The following TMEM132C variants were observed in gnomAD, a reference collection of about 807,000 sequenced individuals.
The protein encoded by TMEM132C is protein phosphatase 1, regulatory subunit 152.
TMEM132C carries 29 observed loss-of-function variants against 61.4 expected under a neutral mutation model. The observed-to-expected ratio is 0.47, with a 90% CI of 0.35 to 0.64. The LOEUF (loss-of-function observed/expected upper bound fraction) is 0.64. Ranked by LOEUF, TMEM132C falls within the 30% of genes least tolerant of loss-of-function variation. The pLI, the probability that TMEM132C is intolerant of heterozygous loss-of-function variation, is 0.00. For missense variants in TMEM132C, 1,408 were observed against 1,476.9 expected (o/e 0.95, Z 0.76); for synonymous variants, 656 against 633.1 (o/e 1.04, Z -0.54).
At position 128,460,538 on chromosome 12, in the gene TMEM132C, C is replaced by A. The variant is rs11059700; in HGVS notation, c.974+44918C>A. On this transcript the variant is annotated intron_variant, in intron 2 of 8. Coordinates refer to ENST00000435159, the MANE Select transcript of TMEM132C (RefSeq NM_001136103.3). ...AGTATCGTTCTCACCCCGAGAGCTA[C>A]AGTATGGGTCAGTCCCAGTGCCCCA... 1.2e-3 allele frequency among the ~76,000 whole-genome samples: 176 copies of A among 152,274 alleles called. 2 individuals carry two copies. The highest frequency in any genetic ancestry group is 4.1e-3 in the African/African-American group (171 of 41,554).
chr12:128,701,459 G>A (rs144185716), intron 8 of TMEM132C, among the ~76,000 whole-genome samples: 44 of 152,322 alleles, frequency 2.9e-4, no homozygotes, highest in African/African-American at 1.1e-3. Flanking sequence ...ATCAGTTCAT[G>A]TCCAAGCATT....
chr12:128,321,297 A>G (rs1872326147), intron 1 of TMEM132C, among the ~76,000 whole-genome samples: 1 of 152,116 alleles, frequency 6.6e-6, no homozygotes, highest in African/African-American at 2.4e-5. Context: ...CCACTTAGCA[A>G]TTAAAAGGAG....
chr12:128,640,911 T>C (rs115482716), intron 4 of TMEM132C, among the ~76,000 whole-genome samples: 111 of 152,086 alleles, frequency 7.3e-4, no homozygotes, highest in African/African-American at 2.2e-3. Context: ...ACACACACAG[T>C]GAGTGGATTG....
intron 3 of TMEM132C, among the ~76,000 whole-genome samples, chr12:128,582,324 A>T (rs775367817): frequency 1.3e-5 from 2 of 152,220 alleles, no homozygotes; most frequent in Non-Finnish European, 2.9e-5. Flanking sequence ...TGTCAATTCA[A>T]GCATTTCATA....
At chr12:128,576,587 A>G (rs1875105093) in intron 3 of TMEM132C, among the ~76,000 whole-genome samples, 1 of 152,220 alleles carries the variant, frequency 6.6e-6, no homozygotes, top group Non-Finnish European at 1.5e-5. Flanking sequence ...ATGCTTGTAC[A>G]CTTTCTATTT....
At chr12:128,528,110 A>G (rs554406273) in intron 2 of TMEM132C, among the ~76,000 whole-genome samples, 235 of 152,340 alleles carry the variant, frequency 1.5e-3, no homozygotes, top group African/African-American at 5.3e-3. Context: ...TCACAAACAT[A>G]GCAGAGCGCT....
chr12:128,304,571 T>C (rs374393444), intron 1 of TMEM132C, among the ~76,000 whole-genome samples: 29 of 151,572 alleles, frequency 1.9e-4, no homozygotes, highest in African/African-American at 6.8e-4. Context: ...ATTGCACCAC[T>C]GCACTCCAGC....
chr12:128,598,252 A>G (rs375420459), intron 3 of TMEM132C, among the ~76,000 whole-genome samples: 6 of 152,164 alleles, frequency 3.9e-5, no homozygotes, highest in South Asian at 4.1e-4. Flanking sequence ...CCCCAACTCT[A>G]CTAAAAAATA....
chr12:128,283,241 T>C (rs117085737), intron 1 of TMEM132C, among the ~76,000 whole-genome samples: 59 of 152,346 alleles, frequency 3.9e-4, no homozygotes, highest in South Asian at 1.4e-3. Context: ...AACTTCTGTG[T>C]TGTTCTGACA....
intron 4 of TMEM132C, among the ~76,000 whole-genome samples, chr12:128,627,690 G>A (rs1201695760): frequency 6.6e-6 from 1 of 152,156 alleles, no homozygotes; most frequent in African/African-American, 2.4e-5. Context: ...TGAGCCCTGG[G>A]TCCCCTGTCC....
intron 1 of TMEM132C, among the ~76,000 whole-genome samples, chr12:128,270,584 G>C (rs1156724606): frequency 6.6e-6 from 1 of 152,126 alleles, no homozygotes; most frequent in Non-Finnish European, 1.5e-5. Flanking sequence ...TGAGAAATAG[G>C]ATCCTCCTAG....
chr12:128,665,831 T>TAA (rs1954459590), intron 4 of TMEM132C, among the ~76,000 whole-genome samples: 2 of 23,864 alleles, frequency 8.4e-5, no homozygotes, highest in Non-Finnish European at 1.6e-4. Context: ...TCACAGGCAC[T>TAA]CACACAAACA....
At chr12:128,494,699 T>C (rs1173380410) in intron 2 of TMEM132C, among the ~76,000 whole-genome samples, 2 of 152,108 alleles carry the variant, frequency 1.3e-5, no homozygotes, top group African/African-American at 4.8e-5. Context: ...TGATATCCCC[T>C]TTATCATTTT....
chr12:128,432,905 A>G (rs536362494), intron 2 of TMEM132C, among the ~76,000 whole-genome samples: 1 of 152,218 alleles, frequency 6.6e-6, no homozygotes, highest in Non-Finnish European at 1.5e-5. Context: ...TTGTTGTCTT[A>G]TTTTAAGACA....
chr12:128,478,937 A>G (rs1871240561), intron 2 of TMEM132C, among the ~76,000 whole-genome samples: 1 of 152,240 alleles, frequency 6.6e-6, no homozygotes, highest in African/African-American at 2.4e-5. Context: ...AAAAGTTAAG[A>G]AGAGAGAGAC....
intron 5 of TMEM132C, among the ~76,000 whole-genome samples, chr12:128,691,011 C>T (rs765595784): frequency 1.5e-4 from 23 of 152,168 alleles, no homozygotes; most frequent in Non-Finnish European, 2.1e-4. Flanking sequence ...GTTATTTGGC[C>T]GAGGCCACAG....
intron 2 of TMEM132C, among the ~76,000 whole-genome samples, chr12:128,456,803 C>T (rs538832095): frequency 6.6e-6 from 1 of 152,196 alleles, no homozygotes; most frequent in Admixed American, 6.5e-5. Context: ...CTCCATGTTC[C>T]CTGCCAGATA....
intron 1 of TMEM132C, among the ~76,000 whole-genome samples, chr12:128,354,903 T>A (rs1873451990): frequency 6.6e-6 from 1 of 152,144 alleles, no homozygotes; most frequent in African/African-American, 2.4e-5. Flanking sequence ...CCAGCTTACT[T>A]GAAACCTGAA....
chr12:128,521,755 G>A (rs1017113132), intron 2 of TMEM132C, among the ~76,000 whole-genome samples: 9 of 152,116 alleles, frequency 5.9e-5, no homozygotes, highest in Admixed American at 1.3e-4. Flanking sequence ...ACAAATCATA[G>A]CTCAAGAGCG....
Sources: allele counts gnomAD v4.1 joint callset (sites outside exome capture counted in the v4.1 genomes callset), GRCh38; gene constraint gnomAD v4.1.1; transcripts MANE v1.5; gene names NCBI Gene and HGNC (gene_info 2026-07-23, HGNC 2026-07-21).